DTD1: variants seen among roughly 807,000 people sequenced by gnomAD.
The protein encoded by DTD1 is D-aminoacyl-tRNA deacylase 1, also known as D-tyrosyl-tRNA deacylase 1 homolog.
Under a neutral mutation model 25.6 loss-of-function variants are expected in DTD1, and 13 were observed. That is an observed-to-expected ratio of 0.51 (90% CI 0.33 to 0.81). The LOEUF is 0.81. DTD1 is among the 30% of genes least tolerant of loss of function. DTD1 has a pLI of 0.02. For missense variants in DTD1, 193 were observed against 266.4 expected (o/e 0.72, Z 1.92); for synonymous variants, 110 against 103.6 (o/e 1.06, Z -0.37).
At chr20:18,601,228 C>T (rs933238016) in intron 3 of DTD1, among the ~76,000 whole-genome samples, 4 of 152,008 alleles carry the variant, frequency 2.6e-5, no homozygotes, top group East Asian at 1.9e-4. Context: ...GGCCAGGCGT[C>T]GTGCTTCACG....
chr20:18,724,210 G>A (rs917697883), intron 4 of DTD1, among the ~76,000 whole-genome samples: 1 of 152,216 alleles, frequency 6.6e-6, no homozygotes, highest in Non-Finnish European at 1.5e-5. Context: ...GAGCCCGTAG[G>A]AAGGACCTGG....
intron 4 of DTD1, among the ~76,000 whole-genome samples, chr20:18,697,479 T>C (rs1006608155): frequency 6.6e-6 from 1 of 152,068 alleles, no homozygotes; most frequent in African/African-American, 2.4e-5. Flanking sequence ...GGATCAGAAG[T>C]GTTTTGGATT....
At chr20:18,632,181 C>T (rs1056386963) in intron 4 of DTD1, 40 of 985,248 alleles carry the variant, frequency 4.1e-5, no homozygotes, top group Non-Finnish European at 4.8e-5. Context: ...TCAAAAAATC[C>T]TCAAGTAGGC....
At chr20:18,748,506 G>T (rs1341519810) in intron 5 of DTD1, among the ~76,000 whole-genome samples, 1 of 152,124 alleles carries the variant, frequency 6.6e-6, no homozygotes, top group Non-Finnish European at 1.5e-5. Flanking sequence ...TTAGTGTTCT[G>T]TGGCCCCTGG....
chr20:18,690,534 G>A (rs906662840), intron 4 of DTD1, among the ~76,000 whole-genome samples: 3 of 152,162 alleles, frequency 2.0e-5, no homozygotes, highest in Non-Finnish European at 4.4e-5. Context: ...GTGAAAGGTA[G>A]GGGTCCAGTT....
At chr20:18,634,492 C>T (rs1275752848) in intron 4 of DTD1, among the ~76,000 whole-genome samples, 3 of 152,200 alleles carry the variant, frequency 2.0e-5, no homozygotes, top group Admixed American at 6.5e-5. Flanking sequence ...TTTGAGTTAA[C>T]GGACGTGTTT....
At chr20:18,733,284 A>G (rs2061244833) in intron 4 of DTD1, among the ~76,000 whole-genome samples, 1 of 152,158 alleles carries the variant, frequency 6.6e-6, no homozygotes, top group Non-Finnish European at 1.5e-5. Flanking sequence ...GGCCTGCCCT[A>G]TACTCAGGCC....
intron 4 of DTD1, among the ~76,000 whole-genome samples, chr20:18,737,634 G>C (rs2061261399): frequency 6.6e-6 from 1 of 152,170 alleles, no homozygotes. Context: ...CTTTCCTGAG[G>C]CCAAGTGCCA....
chr20:18,718,741 G>T (rs548905547), intron 4 of DTD1, among the ~76,000 whole-genome samples: 1 of 152,242 alleles, frequency 6.6e-6, no homozygotes, highest in Non-Finnish European at 1.5e-5. Context: ...TTCTTAAAAA[G>T]AGATTGGCTT....
intron 3 of DTD1, among the ~76,000 whole-genome samples, chr20:18,621,942 T>C (rs2060735976): frequency 1.3e-5 from 2 of 151,914 alleles, no homozygotes; most frequent in African/African-American, 2.4e-5. Context: ...TGGGCGCCTG[T>C]AGTCCCAGCT....
intron 4 of DTD1, among the ~76,000 whole-genome samples, chr20:18,634,402 C>G (rs527910382): frequency 5.3e-4 from 81 of 152,284 alleles, no homozygotes; most frequent in Non-Finnish European, 9.4e-4. Context: ...TTTACATTCT[C>G]ATTTATTTAG....
At chr20:18,716,878 A>G (rs1312307397) in intron 4 of DTD1, among the ~76,000 whole-genome samples, 1 of 152,170 alleles carries the variant, frequency 6.6e-6, no homozygotes, top group Non-Finnish European at 1.5e-5. Context: ...AGCTGCAACA[A>G]TGGCTTCATG....
chr20:18,726,995 G>A (rs1255784248), intron 4 of DTD1, among the ~76,000 whole-genome samples: 1 of 152,232 alleles, frequency 6.6e-6, no homozygotes, highest in Admixed American at 6.5e-5. Flanking sequence ...GCCTTGGCTG[G>A]CTGAGAGTCT....
chr20:18,595,312 G>A (rs1447795909), intron 2 of DTD1, among the ~76,000 whole-genome samples: 2 of 151,924 alleles, frequency 1.3e-5, no homozygotes, highest in African/African-American at 4.8e-5. Flanking sequence ...TGTCACCCAG[G>A]CTGGAGTGCA....
intron 4 of DTD1, among the ~76,000 whole-genome samples, chr20:18,673,025 A>T (rs1303866267): frequency 6.6e-6 from 1 of 152,194 alleles, no homozygotes; most frequent in African/African-American, 2.4e-5. Flanking sequence ...CTGGGTACAT[A>T]ACAAGCGCTC....
chr20:18,609,741 C>A (rs1412220167), intron 3 of DTD1, among the ~76,000 whole-genome samples: 2 of 152,096 alleles, frequency 1.3e-5, no homozygotes, highest in African/African-American at 2.4e-5. Context: ...ACAGAACATT[C>A]CCACCTTAAT....
chr20:18,756,585 T>A (rs1219598697), intron 5 of DTD1, among the ~76,000 whole-genome samples: 1 of 152,216 alleles, frequency 6.6e-6, no homozygotes, highest in African/African-American at 2.4e-5. Context: ...GTTGTAGATG[T>A]GTGGAATTAT....
At chr20:18,667,331 G>T (rs756722671) in intron 4 of DTD1, among the ~76,000 whole-genome samples, 1 of 152,214 alleles carries the variant, frequency 6.6e-6, no homozygotes, top group Non-Finnish European at 1.5e-5. Flanking sequence ...CCAGGAAGCA[G>T]CCAGGGACTG....
At chr20:18,695,715 G>C (rs373475738) in intron 4 of DTD1, among the ~76,000 whole-genome samples, 18 of 149,750 alleles carry the variant, frequency 1.2e-4, no homozygotes, top group African/African-American at 4.4e-4. Context: ...CTGTTGTCCA[G>C]GCTGGAGTGC....
Sources: gnomAD v4.1 joint callset for allele counts (sites outside exome capture counted in the v4.1 genomes callset) on GRCh38, gnomAD v4.1.1 for gene constraint, MANE v1.5 for transcripts, NCBI Gene and HGNC (gene_info 2026-07-23, HGNC 2026-07-21) for gene names.